THEMIS: variants seen among roughly 807,000 people sequenced by gnomAD.
The protein encoded by THEMIS is protein THEMIS.
In THEMIS, 37 loss-of-function variants were observed where a neutral mutation model predicts 52.6. The ratio of observed to expected loss-of-function variants is 0.70; its 90% CI spans 0.54 to 0.93. The LOEUF is 0.93. THEMIS is among the 40% of genes least tolerant of loss of function. THEMIS has a pLI of 0.00. For synonymous variants in THEMIS, 292 were observed against 272.7 expected (o/e 1.07, Z -0.70); for missense variants, 808 against 763.1 (o/e 1.06, Z -0.69).
At chr6:127,823,099 A>T (rs1243040464) in intron 3 of THEMIS, among the ~76,000 whole-genome samples, 1 of 152,176 alleles carries the variant, frequency 6.6e-6, no homozygotes, top group Admixed American at 6.5e-5. Context: ...CTAACAAGGC[A>T]TTAATAGTTG....
chr6:127,900,836 G>C lies in THEMIS; in HGVS notation c.91+6C>G, dbSNP rs368749316. 8.1e-6 allele frequency: 13 copies of C among 1,610,208 alleles called. No individual in the cohort carries two copies. Among genetic ancestry groups the C allele is most frequent in the Non-Finnish European group, 1.1e-5 (13 of 1,176,888 alleles). ...CTAGCCAGTAAAGGTATTGGAGAGT[G>C]CTTACCTTCAAGATAGATGCCTGCC... On this transcript the variant is annotated splice_donor_region_variant and intron_variant, in intron 1 of 5. Coordinates refer to ENST00000368248, the MANE Select transcript of THEMIS (RefSeq NM_001010923.3).
At chr6:127,754,253 G>T (rs964896083) in intron 4 of THEMIS, among the ~76,000 whole-genome samples, 2 of 152,180 alleles carry the variant, frequency 1.3e-5, no homozygotes, top group African/African-American at 4.8e-5. Flanking sequence ...TCAACCATGT[G>T]TCTAGGTTTC....
intron 2 of THEMIS, among the ~76,000 whole-genome samples, chr6:127,849,014 GA>G (rs1203221554): frequency 2.0e-5 from 3 of 152,046 alleles, no homozygotes; most frequent in Non-Finnish European, 4.4e-5. Flanking sequence ...CCTATGTCCT[GA>G]ATGATATTGC....
intron 1 of THEMIS, among the ~76,000 whole-genome samples, chr6:127,895,400 T>C (rs930337311): frequency 1.3e-5 from 2 of 151,376 alleles, no homozygotes; most frequent in African/African-American, 4.8e-5. Context: ...AGAAAACCAG[T>C]GAAATAAAAA....
chr6:127,784,307 C>G (rs559059710), intron 4 of THEMIS, among the ~76,000 whole-genome samples: 1 of 152,116 alleles, frequency 6.6e-6, no homozygotes, highest in East Asian at 1.9e-4. Flanking sequence ...ATGGGTGCAG[C>G]AGATCACTAT....
intron 1 of THEMIS, among the ~76,000 whole-genome samples, chr6:127,862,452 C>CTTTTTT (rs1562307581): frequency 2.4e-4 from 8 of 33,160 alleles, no homozygotes; most frequent in African/African-American, 5.9e-4. Flanking sequence ...TTTTTTTTTG[C>CTTTTTT]TCTGTTGCCC....
intron 1 of THEMIS, among the ~76,000 whole-genome samples, chr6:127,890,907 A>T (rs949330531): frequency 4.6e-5 from 7 of 152,080 alleles, no homozygotes; most frequent in African/African-American, 1.7e-4. Flanking sequence ...GGAAAGCGGC[A>T]TCCTCTTTTT....
intron 4 of THEMIS, among the ~76,000 whole-genome samples, chr6:127,752,408 G>C (rs1258735044): frequency 6.8e-5 from 10 of 146,590 alleles, no homozygotes; most frequent in Non-Finnish European, 1.4e-4. Flanking sequence ...CCTTTAGCTA[G>C]AGTAACTAAG....
At chr6:127,766,474 T>C (rs1282784586) in intron 4 of THEMIS, among the ~76,000 whole-genome samples, 2 of 152,116 alleles carry the variant, frequency 1.3e-5, no homozygotes, top group Non-Finnish European at 2.9e-5. Context: ...ATAACATAAT[T>C]TTCTTCCTCA....
intron 1 of THEMIS, among the ~76,000 whole-genome samples, chr6:127,862,428 A>ATTCTTTTTTTTTTTTTTTTTTTTTT (rs1779834016): frequency 1.4e-5 from 1 of 72,808 alleles, no homozygotes; most frequent in Non-Finnish European, 2.8e-5. Context: ...TAGGGAGTAA[A>ATTCTTTTTTTTTTTTTTTTTTTTTT]TTTTTTTTTT....
chr6:127,771,383 T>C (rs1776380026), intron 4 of THEMIS, among the ~76,000 whole-genome samples: 1 of 152,106 alleles, frequency 6.6e-6, no homozygotes, highest in Non-Finnish European at 1.5e-5. Flanking sequence ...AAGCTACCAA[T>C]GATTTTCTTC....
intron 2 of THEMIS, among the ~76,000 whole-genome samples, chr6:127,852,091 A>T (rs773746151): frequency 5.9e-5 from 9 of 151,636 alleles, no homozygotes. Flanking sequence ...AACTGGAGTG[A>T]CTATACTAAT....
the THEMIS span, among the ~76,000 whole-genome samples, chr6:127,697,990 C>T: frequency 6.6e-6 from 1 of 152,128 alleles, no homozygotes; most frequent in Non-Finnish European, 1.5e-5. Flanking sequence ...ATGCTATTAT[C>T]TGACCTTTTA....
At chr6:127,816,287 G>A (rs72971392) in intron 3 of THEMIS, among the ~76,000 whole-genome samples, 2 of 151,674 alleles carry the variant, frequency 1.3e-5, no homozygotes, top group Non-Finnish European at 2.9e-5. Flanking sequence ...CTACACCCAC[G>A]CCTACACTGA....
At chr6:127,829,982 G>T (rs547991560) in intron 2 of THEMIS, 48 bp from the exon 3 acceptor site, 2 of 1,395,770 alleles carry the variant, frequency 1.4e-6, no homozygotes, top group Admixed American at 4.2e-5. Flanking sequence ...TACAATGAAA[G>T]TTCTCACAAG....
chr6:127,903,949 C>T (rs776137745), upstream of THEMIS, among the ~76,000 whole-genome samples: 1 of 151,984 alleles, frequency 6.6e-6, no homozygotes, highest in South Asian at 2.1e-4. Flanking sequence ...GGGTGCAGAA[C>T]ATGAGAGGCC....
At chr6:127,701,059 T>G in the THEMIS span, among the ~76,000 whole-genome samples, 2 of 152,084 alleles carry the variant, frequency 1.3e-5, no homozygotes, top group African/African-American at 4.8e-5. Context: ...GTGCAAACCT[T>G]CATTAATCAA....
chr6:127,778,072 T>C (rs1366407038), intron 4 of THEMIS, among the ~76,000 whole-genome samples: 1 of 152,174 alleles, frequency 6.6e-6, no homozygotes, highest in Non-Finnish European at 1.5e-5. Context: ...TAATTGAAGA[T>C]ATACCTAAAC....
intron 1 of THEMIS, among the ~76,000 whole-genome samples, chr6:127,914,504 C>G (rs1781478219): frequency 1.3e-5 from 2 of 152,116 alleles, no homozygotes; most frequent in Admixed American, 1.3e-4. Context: ...ACTTTTACTG[C>G]ACACCTAGGC....
Sources: gnomAD v4.1 joint callset for allele counts (sites outside exome capture counted in the v4.1 genomes callset) on GRCh38, gnomAD v4.1.1 for gene constraint, MANE v1.5 for transcripts, NCBI Gene and HGNC (gene_info 2026-07-23, HGNC 2026-07-21) for gene names.